Variants in CASZ1 observed in about 807,000 individuals in gnomAD.
CASZ1 encodes the protein castor zinc finger 1, also known as zinc finger protein castor homolog 1.
Under a neutral mutation model 135.2 loss-of-function variants are expected in CASZ1, and 28 were observed. The ratio of observed to expected loss-of-function variants is 0.21; its 90% CI spans 0.15 to 0.28. The LOEUF (loss-of-function observed/expected upper bound fraction) is 0.28, where lower values mean the gene tolerates loss of function less well. Ranked by LOEUF, CASZ1 falls within the 10% of genes least tolerant of loss-of-function variation. The probability of loss-of-function intolerance (pLI) is 1.00; values close to 1 mark genes in which losing one functional copy is unlikely to be tolerated. For missense variants in CASZ1, 2,161 were observed against 2,453.3 expected (o/e 0.88, Z 2.52); for synonymous variants, 1,068 against 1,073.4 (o/e 0.99, Z 0.10).
rs914977501 is a variant in CASZ1, at chr1:10,719,165, G to A, written c.-76-13621C>T. On this transcript the variant is annotated intron_variant, in intron 2 of 20. Transcript: ENST00000377022. This position sits in a 1 kb window ranked among gnomAD's most constrained non-coding sequence, Gnocchi z 4.0. Reference sequence around the variant, plus strand: ...ACTCCTGACCTCAAGCAATCTGCCCGCTTCCGGCTCCCTAAGTGCTGGGAT... The same window carrying A: ...ACTCCTGACCTCAAGCAATCTGCCCACTTCCGGCTCCCTAAGTGCTGGGAT... Among the ~76,000 whole-genome samples the A allele has an allele frequency of 2.0e-4, 30 of 152,200 alleles. No individual in the cohort carries two copies. Among genetic ancestry groups the A allele is most frequent in the Admixed American group, 1.0e-3 (16 of 15,300 alleles).
At chr1:10,775,435 G>A (rs926247258) in intron 1 of CASZ1, among the ~76,000 whole-genome samples, 2 of 151,728 alleles carry the variant, frequency 1.3e-5, no homozygotes, top group Non-Finnish European at 2.9e-5. Flanking sequence ...GGGACCATTC[G>A]GCTCAATGTG....
chr1:10,739,424 C>A lies in CASZ1; in HGVS notation c.-77+21277G>T, dbSNP rs1391541416. On this transcript the variant is annotated intron_variant, in intron 2 of 20. Coordinates refer to ENST00000377022, the MANE Select transcript of CASZ1 (RefSeq NM_001079843.3). This position sits in a 1 kb window ranked among gnomAD's most constrained non-coding sequence, Gnocchi z 4.8. The stretch of plus-strand genomic sequence containing the variant: ...CACATGCGCAGGGAAGGGCATGGGG[C>A]ACAGCATGTGTGTGGCCCACACAAG... Among the ~76,000 whole-genome samples, 2 of 152,102 alleles carry A rather than the reference C, an allele frequency of 1.3e-5. No homozygotes were observed. The highest frequency in any genetic ancestry group is 1.5e-5 in the Non-Finnish European group (1 of 67,996).
rs982296016 is a variant in CASZ1, at chr1:10,739,536, G to GC, written c.-77+21164dup. The stretch of plus-strand genomic sequence containing the variant: ...TTCCAGACCTTTCCCTGAGCCCTCC[G>GC]CCCCCCGGGCCCACTCCCCGTTCTC... On this transcript the variant is annotated intron_variant, in intron 2 of 20. Coordinates refer to ENST00000377022, the MANE Select transcript of CASZ1 (RefSeq NM_001079843.3). The surrounding 1 kb of genome is among the most constrained non-coding windows in gnomAD (Gnocchi z 4.8). Among the ~76,000 whole-genome samples, 2 of 151,978 alleles carry GC rather than the reference G, an allele frequency of 1.3e-5. No individual in the cohort carries two copies. Among genetic ancestry groups the GC allele is most frequent in the African/African-American group, 2.4e-5 (1 of 41,376 alleles).
rs1219929880 is a variant in CASZ1 at position 10,649,387 on chromosome 1, T to C, written c.2931A>G (p.Glu977=). ...GLGSLLNIKA[E]AEGSPAAEPS... is the part of the protein sequence containing the mutation. Reference sequence around the variant, plus strand: ...GCTCCGCAGCGGGGCTCCCCTCCGCTTCCGCCTTGATGTTCAGCAGGCTGC... The same window carrying C: ...GCTCCGCAGCGGGGCTCCCCTCCGCCTCCGCCTTGATGTTCAGCAGGCTGC... Residue 977 remains glutamate (E), a synonymous_variant, in exon 14 of 21, where the codon GAA becomes GAG. Coordinates refer to ENST00000377022, the MANE Select transcript of CASZ1 (RefSeq NM_001079843.3). The C allele has an allele frequency of 1.9e-6, 3 of 1,610,238 alleles. No individual in the cohort carries two copies. Among genetic ancestry groups the C allele is most frequent in the Non-Finnish European group, 2.5e-6 (3 of 1,178,808 alleles).
chr1:10,788,775 A>G lies in CASZ1; in HGVS notation c.-234+7789T>C, dbSNP rs904818187. Among the ~76,000 whole-genome samples, 2 of 152,006 alleles carry G rather than the reference A, an allele frequency of 1.3e-5. No individual in the cohort carries two copies. The highest frequency in any genetic ancestry group is 3.9e-4 in the East Asian group (2 of 5,154). ...TGGTCACTGGCAGGGCTGGCCCGGGAGCTGTGCCATGCCCTGGGCCAGCGC... is the reference window on the plus strand; with the variant it reads ...TGGTCACTGGCAGGGCTGGCCCGGGGGCTGTGCCATGCCCTGGGCCAGCGC... On this transcript the variant is annotated intron_variant, in intron 1 of 20. Coordinates refer to ENST00000377022, the MANE Select transcript of CASZ1 (RefSeq NM_001079843.3). This position sits in a 1 kb window ranked among gnomAD's most constrained non-coding sequence, Gnocchi z 4.1.
chr1:10,686,186 T>C (rs1484391744), intron 4 of CASZ1, among the ~76,000 whole-genome samples: 1 of 152,174 alleles, frequency 6.6e-6, no homozygotes, highest in Non-Finnish European at 1.5e-5. Flanking sequence ...GCCGAACCAC[T>C]GTACTCTTCC....
chr1:10,728,338 G>A (rs977866943), intron 2 of CASZ1, among the ~76,000 whole-genome samples: 14 of 152,122 alleles, frequency 9.2e-5, no homozygotes, highest in Non-Finnish European at 1.5e-4. Context: ...AGACAACCAC[G>A]CACCATCATT....
chr1:10,651,004 C>T lies in CASZ1; in HGVS notation c.2753G>A (p.Gly918Asp), dbSNP rs907207446. Residue 918 changes from glycine (G) to aspartate (D), a missense_variant, in exon 12 of 21, where the codon GGC becomes GAC. This residue lies in a region of CASZ1 where 406 missense variants were observed against 387.6 expected (regional missense o/e 1.05). Coordinates refer to ENST00000377022, the MANE Select transcript of CASZ1 (RefSeq NM_001079843.3). Reference protein sequence around the residue: ...QVKPEPGESTGAPGPHEASQD... With the variant: ...QVKPEPGESTDAPGPHEASQD... The stretch of plus-strand genomic sequence containing the variant: ...GGAGGCTTCGTGGGGGCCTGGGGCG[C>T]CGGTGCTCTCACCGGGTTCCGGCTT... 3.8e-6 allele frequency: 6 copies of T among 1,570,628 alleles called. No homozygotes were observed. The East Asian group carries it at 9.0e-5, about 24-fold the overall frequency.
chr1:10,738,315 C>A (rs1038808589), intron 2 of CASZ1, among the ~76,000 whole-genome samples: 1 of 152,226 alleles, frequency 6.6e-6, no homozygotes, highest in African/African-American at 2.4e-5. Context: ...AGTCCCGGGA[C>A]GCTGACGCGG....
rs2100548166 is a variant in CASZ1 at position 10,747,586 on chromosome 1, T to A, written c.-77+13115A>T. On this transcript the variant is annotated intron_variant, in intron 2 of 20. Coordinates refer to ENST00000377022, the MANE Select transcript of CASZ1 (RefSeq NM_001079843.3). The surrounding 1 kb of genome is among the most constrained non-coding windows in gnomAD (Gnocchi z 4.3). Reference sequence around the variant, plus strand: ...GGGAGAAGGTGAGGTGGGCTCAGGGTCCCTAATCAAAGCCCAGCCCATGTG... The same window carrying A: ...GGGAGAAGGTGAGGTGGGCTCAGGGACCCTAATCAAAGCCCAGCCCATGTG... Among the ~76,000 whole-genome samples the A allele has an allele frequency of 2.0e-5, 3 of 151,990 alleles. No individual in the cohort carries two copies. The Middle Eastern group carries it at 0.01, about 517-fold the overall frequency.
At chr1:10,655,447 A>G (rs564532251) in intron 9 of CASZ1, among the ~76,000 whole-genome samples, 7 of 152,242 alleles carry the variant, frequency 4.6e-5, no homozygotes, top group Non-Finnish European at 1.0e-4. Context: ...ACCCTGGCCC[A>G]CCAGACGCTG....
chr1:10,744,040 A>G (rs1639989089), intron 2 of CASZ1, among the ~76,000 whole-genome samples: 1 of 152,080 alleles, frequency 6.6e-6, no homozygotes, highest in South Asian at 2.1e-4. Context: ...CCACCTAATC[A>G]GTCCTTGGAA....
chr1:10,789,107 G>A (rs1640909495), intron 1 of CASZ1, among the ~76,000 whole-genome samples: 1 of 152,132 alleles, frequency 6.6e-6, no homozygotes, highest in Admixed American at 6.5e-5. Context: ...CAGGAGCCAA[G>A]CTGTTTGGGG....
intron 6 of CASZ1, among the ~76,000 whole-genome samples, chr1:10,658,910 G>T (rs915111629): frequency 9.2e-5 from 14 of 152,192 alleles, no homozygotes; most frequent in South Asian, 4.1e-4. Flanking sequence ...TCCCAACAGG[G>T]AGGGATTCGA....
rs1415508001 is a variant in CASZ1 at position 10,756,259 on chromosome 1, G to A, written c.-77+4442C>T. 6.6e-6 allele frequency among the ~76,000 whole-genome samples: 1 copy of A among 152,018 alleles called. No individual in the cohort carries two copies. The highest frequency in any genetic ancestry group is 2.4e-5 in the African/African-American group (1 of 41,402). On this transcript the variant is annotated intron_variant, in intron 2 of 20. Transcript: ENST00000377022. This position sits in a 1 kb window ranked among gnomAD's most constrained non-coding sequence, Gnocchi z 5.9. ...CAGAGCCTCCTTACAGGGCCAGGCT[G>A]CTGTGCCACACATTGCTTCCCACTT...
chr1:10,713,575 G>C (rs1361569223), intron 2 of CASZ1, among the ~76,000 whole-genome samples: 1 of 152,204 alleles, frequency 6.6e-6, no homozygotes, highest in Non-Finnish European at 1.5e-5. Context: ...CTGGTTCTAA[G>C]GCCAGCCATC....
intron 4 of CASZ1, among the ~76,000 whole-genome samples, 153 bp downstream of exon 4, chr1:10,693,721 G>A (rs1357466600): frequency 6.6e-6 from 1 of 152,100 alleles, no homozygotes; most frequent in Non-Finnish European, 1.5e-5. Flanking sequence ...AGAAGTCGCC[G>A]ATCCCGAGGC....
chr1:10,712,717 G>GA (rs1639309088), intron 2 of CASZ1, among the ~76,000 whole-genome samples: 1 of 152,010 alleles, frequency 6.6e-6, no homozygotes, highest in Non-Finnish European at 1.5e-5. Flanking sequence ...CTCCCCTTAG[G>GA]ACCCCCCCGC....
At position 10,720,415 on chromosome 1, in the gene CASZ1, C is replaced by T. The variant is rs1192299550; in HGVS notation, c.-76-14871G>A. 6.6e-6 allele frequency among the ~76,000 whole-genome samples: 1 copy of T among 152,194 alleles called. No individual in the cohort carries two copies. The highest frequency in any genetic ancestry group is 2.4e-5 in the African/African-American group (1 of 41,444). On this transcript the variant is annotated intron_variant, in intron 2 of 20. Coordinates refer to ENST00000377022, the MANE Select transcript of CASZ1 (RefSeq NM_001079843.3). This position sits in a 1 kb window ranked among gnomAD's most constrained non-coding sequence, Gnocchi z 5.7. ...AGACTGGCAGCACTGACCAGCCCTC[C>T]CACTGTGCTCCCCAAAGAGCCTGGG...
Sources: gnomAD v4.1 joint callset for allele counts (sites outside exome capture counted in the v4.1 genomes callset) on GRCh38, gnomAD v4.1.1 for gene constraint, gnomAD v4.1.1 regional missense constraint, Gnocchi (gnomAD v3.1) non-coding constraint, MANE v1.5 for transcripts, NCBI Gene and HGNC (gene_info 2026-07-23, HGNC 2026-07-21) for gene names.